Variants in COL26A1 observed in about 807,000 individuals in gnomAD.
COL26A1 encodes collagen type XXVI alpha 1 chain.
A neutral mutation model predicts 59.3 loss-of-function variants in COL26A1; 41 were observed. That is an observed-to-expected ratio of 0.69 (90% CI 0.54 to 0.90). COL26A1 has a LOEUF of 0.90. Ranked by LOEUF, COL26A1 falls within the 40% of genes least tolerant of loss-of-function variation. The probability of loss-of-function intolerance (pLI) is 0.00; values close to 1 mark genes in which losing one functional copy is unlikely to be tolerated. For missense variants in COL26A1, 612 were observed against 602.3 expected, an observed-to-expected ratio of 1.02 and a Z score of -0.17; for synonymous variants, 266 against 256.0, an observed-to-expected ratio of 1.04 and a Z score of -0.37.
intron 3 of COL26A1, among the ~76,000 whole-genome samples, chr7:101,500,378 C>T (rs573273914): frequency 2.0e-5 from 3 of 152,330 alleles, no homozygotes; most frequent in Admixed American, 1.3e-4. Flanking sequence ...GGCAAGTGCA[C>T]TTCCTTCTGG....
intron 1 of COL26A1, among the ~76,000 whole-genome samples, chr7:101,376,301 T>C (rs1170856616): frequency 6.6e-6 from 1 of 152,058 alleles, no homozygotes; most frequent in Non-Finnish European, 1.5e-5. Flanking sequence ...AGTGAGACCC[T>C]GTCTCAAAAA....
At chr7:101,434,183 CTTCTCTCT>C (rs1792856998) in intron 2 of COL26A1, among the ~76,000 whole-genome samples, 6 of 113,040 alleles carry the variant, frequency 5.3e-5, no homozygotes, top group African/African-American at 1.8e-4. Context: ...TCCTTCCTTC[CTTCTCTCT>C]CTCTCTCTCT....
rs184817438 is a variant in COL26A1, at chr7:101,525,664, T to G, written c.386-7418T>G. The stretch of plus-strand genomic sequence containing the variant: ...GGTGCCCACCATCACGCCCGGCTAA[T>G]TTTTTGTATTTTTAGTAGAGACGGG... On this transcript the variant is annotated intron_variant, in intron 3 of 12. Coordinates refer to ENST00000313669, the MANE Select transcript of COL26A1 (RefSeq NM_001278563.3). Among the ~76,000 whole-genome samples the G allele has an allele frequency of 8.7e-3, 1,317 of 151,054 alleles. 19 individuals carry two copies. Among genetic ancestry groups the G allele is most frequent in the African/African-American group, 0.031 (1,270 of 41,118 alleles).
At chr7:101,445,052 GC>G (rs1290600331) in intron 2 of COL26A1, among the ~76,000 whole-genome samples, 4 of 151,182 alleles carry the variant, frequency 2.6e-5, no homozygotes, top group Non-Finnish European at 4.4e-5. Flanking sequence ...TGTTGGCCAG[GC>G]TGGTCTCGAA....
chr7:101,399,299 C>G (rs1423846631), intron 1 of COL26A1, among the ~76,000 whole-genome samples: 2 of 151,986 alleles, frequency 1.3e-5, no homozygotes, highest in Non-Finnish European at 2.9e-5. Flanking sequence ...GAGTGACACT[C>G]TGTCCAAAAA....
chr7:101,461,950 A>ATGG (rs1407315207), intron 3 of COL26A1, among the ~76,000 whole-genome samples: 4 of 146,570 alleles, frequency 2.7e-5, no homozygotes, highest in Non-Finnish European at 6.0e-5. Context: ...TTAGCCTGTT[A>ATGG]TGGTGATGGT....
intron 4 of COL26A1, 21 bp from the exon 5 acceptor site, chr7:101,539,872 T>C (rs1167514102): frequency 6.2e-7 from 1 of 1,602,268 alleles, no homozygotes; most frequent in South Asian, 1.1e-5. Flanking sequence ...GGGACCTGAC[T>C]CTCTATCTCC....
At chr7:101,553,628 G>A (rs573661818) in intron 11 of COL26A1, among the ~76,000 whole-genome samples, 3 of 151,370 alleles carry the variant, frequency 2.0e-5, no homozygotes, top group East Asian at 1.9e-4. Flanking sequence ...TTGGCCCTTG[G>A]GGGGGCTTCC....
intron 3 of COL26A1, among the ~76,000 whole-genome samples, chr7:101,464,893 G>T (rs1215316981): frequency 1.3e-5 from 2 of 150,680 alleles, no homozygotes; most frequent in African/African-American, 4.9e-5. Context: ...AAAATTGTTT[G>T]TAGTGGCGGG....
intron 3 of COL26A1, among the ~76,000 whole-genome samples, chr7:101,525,178 T>C (rs1795216830): frequency 1.5e-5 from 2 of 130,766 alleles, no homozygotes; most frequent in South Asian, 5.5e-4. Flanking sequence ...ATTCTTTTTT[T>C]TTTTTTTTTT....
intron 3 of COL26A1, among the ~76,000 whole-genome samples, chr7:101,469,410 C>T (rs766677798): frequency 6.6e-6 from 1 of 152,116 alleles, no homozygotes; most frequent in Non-Finnish European, 1.5e-5. Flanking sequence ...GACCATAAGA[C>T]TGCTCCCACG....
chr7:101,428,302 G>C (rs1305375825), intron 2 of COL26A1, among the ~76,000 whole-genome samples: 2 of 150,824 alleles, frequency 1.3e-5, no homozygotes, highest in African/African-American at 4.9e-5. Context: ...AGGCTGCAGT[G>C]AGCTATGATT....
chr7:101,418,394 C>T (rs936940578), intron 1 of COL26A1, among the ~76,000 whole-genome samples: 5 of 152,168 alleles, frequency 3.3e-5, no homozygotes, highest in African/African-American at 1.2e-4. Flanking sequence ...TACTTTCTGT[C>T]TCTTAGGGAC....
rs745449437 is a variant in COL26A1 at position 101,362,961 on chromosome 7, G to T, written c.-72G>T. 1,182 of 1,462,334 alleles carry T rather than the reference G, an allele frequency of 8.1e-4. No individual in the cohort carries two copies. The highest frequency in any genetic ancestry group is 1.0e-3 in the Non-Finnish European group (1,103 of 1,104,968). The allele number at this position is 1,462,334 out of a possible 1,614,324, so 90.6% of individuals were successfully genotyped here. A position where few individuals can be genotyped will look rare whatever the true frequency, so the allele number is the denominator to read the frequency against. ...TGCTCCCGGCCGGTGCCGCGGGTTCGGTCCGGGCGCCGGTGCGCTCCTGCC... is the reference window on the plus strand; with the variant it reads ...TGCTCCCGGCCGGTGCCGCGGGTTCTGTCCGGGCGCCGGTGCGCTCCTGCC... On this transcript the variant is annotated 5_prime_UTR_variant, in exon 1 of 13. Coordinates refer to ENST00000313669, the MANE Select transcript of COL26A1 (RefSeq NM_001278563.3).
chr7:101,531,694 T>C (rs1001844716), intron 3 of COL26A1, among the ~76,000 whole-genome samples: 1 of 152,138 alleles, frequency 6.6e-6, no homozygotes, highest in African/African-American at 2.4e-5. Flanking sequence ...CGACCACCTA[T>C]TCCCAGGGTC....
chr7:101,387,754 T>TTATATA (rs1253686672), intron 1 of COL26A1, among the ~76,000 whole-genome samples: 1 of 95,080 alleles, frequency 1.1e-5, no homozygotes, highest in African/African-American at 4.4e-5. Flanking sequence ...ATATATATAT[T>TTATATA]TATATATATA....
intron 3 of COL26A1, among the ~76,000 whole-genome samples, chr7:101,498,771 T>C (rs1340969469): frequency 2.0e-5 from 3 of 152,166 alleles, no homozygotes; most frequent in Admixed American, 6.6e-5. Flanking sequence ...TTCAACAGGA[T>C]GTTTTCCCAA....
intron 3 of COL26A1, among the ~76,000 whole-genome samples, chr7:101,475,699 C>G (rs558785427): frequency 5.3e-5 from 8 of 151,742 alleles, no homozygotes; most frequent in African/African-American, 1.9e-4. Flanking sequence ...ATTGGATGTG[C>G]GTGGCGATGA....
At chr7:101,410,823 A>C (rs537518027) in intron 1 of COL26A1, among the ~76,000 whole-genome samples, 1 of 152,122 alleles carries the variant, frequency 6.6e-6, no homozygotes, top group East Asian at 1.9e-4. Flanking sequence ...TCACCCTTCC[A>C]GAGTGCTAGG....
Sources: allele counts gnomAD v4.1 joint callset (sites outside exome capture counted in the v4.1 genomes callset), GRCh38; gene constraint gnomAD v4.1.1; transcripts MANE v1.5; gene names NCBI Gene and HGNC (gene_info 2026-07-23, HGNC 2026-07-21).